The following JPH2 variants were observed in gnomAD, a reference collection of about 807,000 sequenced individuals.
JPH2 encodes junctophilin 2.
In JPH2, 38 loss-of-function variants were observed where a neutral mutation model predicts 55.9. The observed-to-expected ratio is 0.68, with a 90% CI of 0.52 to 0.89. JPH2 has a LOEUF of 0.89. Ranked by LOEUF, JPH2 falls within the 40% of genes least tolerant of loss-of-function variation. The pLI is 0.00. For missense variants in JPH2, 964 were observed against 1,037.6 expected, an observed-to-expected ratio of 0.93 and a Z score of 0.97; for synonymous variants, 480 against 472.4, an observed-to-expected ratio of 1.02 and a Z score of -0.21.
At chr20:44,139,278 G>A (rs577541025) in intron 2 of JPH2, among the ~76,000 whole-genome samples, 2 of 152,174 alleles carry the variant, frequency 1.3e-5, no homozygotes, top group Non-Finnish European at 2.9e-5. Context: ...CAATGTGGAC[G>A]GGAAGATAAA....
Position 44,113,178 on chromosome 20 carries a change from G to T in JPH2, c.*340C>A. 1 of 152,630 alleles carries T rather than the reference G, an allele frequency of 6.6e-6. No homozygotes were observed. Among genetic ancestry groups the T allele is most frequent in the Non-Finnish European group, 1.5e-5 (1 of 68,214 alleles). 9.5% of individuals were successfully genotyped at this position (152,630 alleles called of 1,614,324 possible). A position where few individuals can be genotyped will look rare whatever the true frequency, so the allele number is the denominator to read the frequency against. Reference sequence around the variant, plus strand: ...ATCTCCCAAAACACACAAAAGCCCAGGGAGGGGACAACCTAGGGAAAGGCA... The same window carrying T: ...ATCTCCCAAAACACACAAAAGCCCATGGAGGGGACAACCTAGGGAAAGGCA... On this transcript the variant is annotated 3_prime_UTR_variant, in exon 6 of 6. Transcript: ENST00000372980.
At chr20:44,157,213 A>G (rs987308310) in intron 2 of JPH2, among the ~76,000 whole-genome samples, 1 of 152,158 alleles carries the variant, frequency 6.6e-6, no homozygotes, top group African/African-American at 2.4e-5. Context: ...CCAGCTACTC[A>G]GAGAGTTGCC....
intron 2 of JPH2, among the ~76,000 whole-genome samples, chr20:44,147,662 CCTTCCTTGGATTTTGCGTGTGTAAGAT>C (rs1794226744): frequency 1.3e-5 from 2 of 152,158 alleles, no homozygotes. Context: ...ACGTGTATGA[CCTTCCTTGGATTTTGCGTGTGTAAGAT>C]CTTCCTTGGA....
chr20:44,160,824 C>G lies in JPH2; in HGVS notation c.380-417G>C, dbSNP rs1402896930. Among the ~76,000 whole-genome samples, 3 of 152,190 alleles carry G rather than the reference C, an allele frequency of 2.0e-5. No homozygotes were observed. Among genetic ancestry groups the G allele is most frequent in the Non-Finnish European group, 4.4e-5 (3 of 68,034 alleles). On this transcript the variant is annotated intron_variant, in intron 1 of 5. Coordinates refer to ENST00000372980, the MANE Select transcript of JPH2 (RefSeq NM_020433.5). The surrounding 1 kb of genome is among the most constrained non-coding windows in gnomAD (Gnocchi z 4.9). ...TGAGGTGGGGGCAGGTGGCTCACGCCTGTAATCCCAGCACTTGGGAAGGTG... is the reference window on the plus strand; with the variant it reads ...TGAGGTGGGGGCAGGTGGCTCACGCGTGTAATCCCAGCACTTGGGAAGGTG...
At chr20:44,180,417 G>A (rs181285025) in intron 1 of JPH2, among the ~76,000 whole-genome samples, 243 of 151,608 alleles carry the variant, frequency 1.6e-3, no homozygotes, top group Middle Eastern at 3.4e-3. Flanking sequence ...CTGCAGCCTC[G>A]ACCTCCCGGG....
intron 1 of JPH2, among the ~76,000 whole-genome samples, chr20:44,165,176 G>A (rs906623206): frequency 2.0e-5 from 3 of 152,022 alleles, no homozygotes; most frequent in African/African-American, 7.2e-5. Flanking sequence ...GTTTACACAA[G>A]CGTGTACATC....
chr20:44,183,600 G>GC (rs2145902439), intron 1 of JPH2, among the ~76,000 whole-genome samples: 1 of 152,272 alleles, frequency 6.6e-6, no homozygotes, highest in Admixed American at 6.5e-5. Flanking sequence ...GCCTTTTCCT[G>GC]CCCCAGCTAC....
At chr20:44,136,257 T>TGA (rs1170163407) in intron 2 of JPH2, among the ~76,000 whole-genome samples, 11 of 152,230 alleles carry the variant, frequency 7.2e-5, no homozygotes, top group African/African-American at 2.6e-4. Flanking sequence ...CTAGGAGTAG[T>TGA]GAACATTTCT....
intron 1 of JPH2, chr20:44,177,253 C>T (rs1019750159): frequency 1.1e-5 from 11 of 985,924 alleles, no homozygotes; most frequent in Non-Finnish European, 1.2e-5. Context: ...ACCCTGTCCC[C>T]CTCGCCCCAC....
chr20:44,187,040 C>G lies in JPH2; in HGVS notation c.-335G>C. ...AGTCCAAGGGAAAACGGTGTGATCT[C>G]TTTAAGAAGCCCAGTGAAAGGGTGG... On this transcript the variant is annotated 5_prime_UTR_variant, in exon 1 of 6. Transcript: ENST00000372980. The G allele has an allele frequency of 5.6e-6, 2 of 354,812 alleles. No homozygotes were observed. The highest frequency in any genetic ancestry group is 1.0e-5 in the Non-Finnish European group (2 of 192,952). 22.0% of individuals were successfully genotyped at this position (354,812 alleles called of 1,614,324 possible).
At chr20:44,162,779 TATATATATACACACAC>T (rs1349169952) in intron 1 of JPH2, among the ~76,000 whole-genome samples, 1 of 79,780 alleles carries the variant, frequency 1.3e-5, no homozygotes, top group African/African-American at 5.4e-5. Context: ...TATATATATA[TATATATATACACACAC>T]ACACACACAC....
rs371934866 is a variant in JPH2, at chr20:44,114,913, G to T, written c.2011-37C>A. ...GGAGAGAGGCTTCCTGAGTCCCCAT[G>T]GCCTCGGAGACACCCCCCACCCAGG... On this transcript the variant is annotated intron_variant, in intron 4 of 5. Coordinates refer to ENST00000372980, the MANE Select transcript of JPH2 (RefSeq NM_020433.5). 83 of 1,521,828 alleles carry T rather than the reference G, an allele frequency of 5.5e-5. No homozygotes were observed. In the African/African-American group the frequency reaches 8.6e-4, roughly 16 times the overall value. The allele number at this position is 1,521,828 out of a possible 1,614,324, so 94.3% of individuals were successfully genotyped here.
In JPH2 at chr20:44,110,134, C is replaced by T. The variant is rs890349533; in HGVS notation, c.*3384G>A. Among the ~76,000 whole-genome samples, 1 of 152,102 alleles carries T rather than the reference C, an allele frequency of 6.6e-6. No individual in the cohort carries two copies. The highest frequency in any genetic ancestry group is 2.1e-4 in the South Asian group (1 of 4,822). On this transcript the variant is annotated 3_prime_UTR_variant, in exon 6 of 6. Transcript: ENST00000372980. ...CCCTACCTGGCTCTGAGTCTCCAAA[C>T]CTGGGGCTCAGGAAGCCGCCTCCTT...
rs2072604605 is a variant in JPH2, at chr20:44,160,723, T to G, written c.380-316A>C. Among the ~76,000 whole-genome samples the G allele has an allele frequency of 6.6e-6, 1 of 152,120 alleles. No individual in the cohort carries two copies. The highest frequency in any genetic ancestry group is 6.5e-5 in the Admixed American group (1 of 15,286). On this transcript the variant is annotated intron_variant, in intron 1 of 5. Coordinates refer to ENST00000372980, the MANE Select transcript of JPH2 (RefSeq NM_020433.5). The surrounding 1 kb of genome is among the most constrained non-coding windows in gnomAD (Gnocchi z 4.9). ...AAATGTTGGAGAGCATGGGCTTGTGTGTGTATTTGTGCAAGATCGTGCGTA... is the reference window on the plus strand; with the variant it reads ...AAATGTTGGAGAGCATGGGCTTGTGGGTGTATTTGTGCAAGATCGTGCGTA...
Position 44,160,428 on chromosome 20 carries a change from C to T in JPH2, c.380-21G>A, listed in dbSNP as rs762346600. 4.4e-6 allele frequency: 7 copies of T among 1,605,046 alleles called. No individual in the cohort carries two copies. Among genetic ancestry groups the T allele is most frequent in the Non-Finnish European group, 4.2e-6 (5 of 1,177,044 alleles). ...CGTCCCTGCGGGCGAGGAGAGGGCG[C>T]GTCAGTAGGCGGCACGACGGGTCCC... is the stretch of plus-strand genomic sequence containing the variant. On this transcript the variant is annotated intron_variant, in intron 1 of 5. Transcript: ENST00000372980. The surrounding 1 kb of genome is among the most constrained non-coding windows in gnomAD (Gnocchi z 4.9).
chr20:44,158,212 G>C (rs943250728), intron 2 of JPH2, among the ~76,000 whole-genome samples: 3 of 152,178 alleles, frequency 2.0e-5, no homozygotes, highest in Non-Finnish European at 4.4e-5. Context: ...GCTCTCTAAG[G>C]GAGTCAGGCT....
rs774311922 is a variant in JPH2, at chr20:44,159,744, T to C, written c.1043A>G (p.Lys348Arg). The change falls in exon 2 of 6, where the codon AAG becomes AGG. Residue 348 changes from lysine to arginine, a missense_variant. Transcript: ENST00000372980. This position sits in a 1 kb window ranked among gnomAD's most constrained non-coding sequence, Gnocchi z 5.7. ...EGKYRHNVLV[K>R]DTKRRMLQLK... ...CTGCAGCATGCGGCGCTTGGTGTCC[T>C]TGACCAGCACGTTGTGGCGGTACTT... is the stretch of plus-strand genomic sequence containing the variant. 4 of 1,613,664 alleles carry C rather than the reference T, an allele frequency of 2.5e-6. No individual in the cohort carries two copies. Among genetic ancestry groups the C allele is most frequent in the East Asian group, 4.5e-5 (2 of 44,896 alleles).
At chr20:44,143,896 G>A (rs2145865721) in intron 2 of JPH2, among the ~76,000 whole-genome samples, 1 of 152,266 alleles carries the variant, frequency 6.6e-6, no homozygotes, top group Non-Finnish European at 1.5e-5. Flanking sequence ...CCGGCACTGG[G>A]CTGGTGGTAG....
At chr20:44,165,403 T>C (rs1362066314) in intron 1 of JPH2, among the ~76,000 whole-genome samples, 1 of 152,000 alleles carries the variant, frequency 6.6e-6, no homozygotes, top group Non-Finnish European at 1.5e-5. Context: ...TCTCACCACC[T>C]CCACTTCGAC....
Sources: gnomAD v4.1 joint callset for allele counts (sites outside exome capture counted in the v4.1 genomes callset) on GRCh38, gnomAD v4.1.1 for gene constraint, Gnocchi (gnomAD v3.1) non-coding constraint, MANE v1.5 for transcripts, NCBI Gene and HGNC (gene_info 2026-07-23, HGNC 2026-07-21) for gene names.